Variants in CNTN4 observed in about 807,000 individuals in gnomAD.
CNTN4 encodes contactin 4.
Under a neutral mutation model 122.5 loss-of-function variants are expected in CNTN4, and 77 were observed. The observed-to-expected ratio is 0.63, with a 90% CI of 0.52 to 0.76. The LOEUF (loss-of-function observed/expected upper bound fraction) is 0.76, where lower values mean the gene tolerates loss of function less well. CNTN4 is among the 30% of genes least tolerant of loss of function. The pLI is 0.00. For missense variants in CNTN4, 1,256 were observed against 1,259.1 expected, an observed-to-expected ratio of 1.00 and a Z score of 0.04; for synonymous variants, 512 against 447.0, an observed-to-expected ratio of 1.15 and a Z score of -1.83.
At chr3:2,903,294 T>A (rs1307965028) in intron 12 of CNTN4, among the ~76,000 whole-genome samples, 3 of 152,236 alleles carry the variant, frequency 2.0e-5, no homozygotes, top group Non-Finnish European at 4.4e-5. Context: ...TTTGAGATGC[T>A]TTTTGGAGTC....
At position 2,951,515 on chromosome 3, in the gene CNTN4, G is replaced by A. The variant is rs377177107; in HGVS notation, c.1358+25736G>A. ...GCCATGGACCAGTACCAGTCTGTCT[G>A]CAGCCTGGGGGTTGGGGACCCCTGT... is the stretch of plus-strand genomic sequence containing the variant. On this transcript the variant is annotated intron_variant, in intron 13 of 24. Coordinates refer to ENST00000418658, the MANE Select transcript of CNTN4 (RefSeq NM_175607.3). Among the ~76,000 whole-genome samples the A allele has an allele frequency of 5.9e-5, 9 of 152,196 alleles. 1 individual carries two copies. Among genetic ancestry groups the A allele is most frequent in the Admixed American group, 3.3e-4 (5 of 15,284 alleles).
intron 3 of CNTN4, among the ~76,000 whole-genome samples, chr3:2,355,723 G>T (rs904369197): frequency 4.6e-5 from 7 of 152,110 alleles, no homozygotes; most frequent in Admixed American, 4.6e-4. Flanking sequence ...ACTGGATTGG[G>T]TCTCTGTATC....
In CNTN4 at chr3:2,494,548, T is replaced by C. The variant is rs898512538; in HGVS notation, c.-88-76868T>C. Among the ~76,000 whole-genome samples the C allele has an allele frequency of 1.1e-4, 17 of 152,324 alleles. No homozygotes were observed. The East Asian group carries it at 3.3e-3, about 29-fold the overall frequency. The stretch of plus-strand genomic sequence containing the variant: ...AGCAAGCTGCAGACAGAATAGCTGG[T>C]AAATGTCTCTTATCAGACCTTAAGA... On this transcript the variant is annotated intron_variant, in intron 3 of 24. Transcript: ENST00000418658.
At chr3:2,223,701 A>G (rs1322045984) in intron 2 of CNTN4, among the ~76,000 whole-genome samples, 1 of 152,188 alleles carries the variant, frequency 6.6e-6, no homozygotes, top group Non-Finnish European at 1.5e-5. Flanking sequence ...CACCATGCCT[A>G]GACTGTACAA....
intron 7 of CNTN4, among the ~76,000 whole-genome samples, chr3:2,832,825 G>T (rs1035151752): frequency 6.6e-6 from 1 of 152,166 alleles, no homozygotes; most frequent in South Asian, 2.1e-4. Flanking sequence ...TGGGAGCCCC[G>T]TGCAGTCAAT....
intron 23 of CNTN4, among the ~76,000 whole-genome samples, chr3:3,044,940 C>T (rs1206882738): frequency 6.6e-6 from 1 of 152,208 alleles, no homozygotes; most frequent in Admixed American, 6.5e-5. Context: ...TTCCAATGGT[C>T]TTAGCAAACG....
chr3:2,865,177 ATAAAATGAT>A (rs1244327736), intron 7 of CNTN4, among the ~76,000 whole-genome samples: 1 of 152,208 alleles, frequency 6.6e-6, no homozygotes, highest in Non-Finnish European at 1.5e-5. Context: ...ACATGCGTAA[ATAAAATGAT>A]TAGCCATTCT....
chr3:2,912,694 A>T (rs1231818616), intron 12 of CNTN4, among the ~76,000 whole-genome samples: 5 of 152,234 alleles, frequency 3.3e-5, no homozygotes, highest in Admixed American at 3.3e-4. Context: ...CAGGATGTAA[A>T]TAGTTTTTAT....
chr3:3,008,503 A>G (rs1209999365), intron 14 of CNTN4, among the ~76,000 whole-genome samples: 1 of 152,236 alleles, frequency 6.6e-6, no homozygotes, highest in Non-Finnish European at 1.5e-5. Flanking sequence ...AGAGTAAAAT[A>G]TGTAGCACTT....
At chr3:2,669,052 C>CT (rs1392261277) in intron 4 of CNTN4, among the ~76,000 whole-genome samples, 3 of 152,034 alleles carry the variant, frequency 2.0e-5, no homozygotes, top group East Asian at 1.9e-4. Flanking sequence ...CTAAAATTCT[C>CT]TTTTTTTGTT....
At chr3:2,923,194 G>A (rs1039336458) in intron 12 of CNTN4, among the ~76,000 whole-genome samples, 5 of 152,104 alleles carry the variant, frequency 3.3e-5, no homozygotes, top group Non-Finnish European at 5.9e-5. Context: ...AAAAATGTCC[G>A]CCTAAAGTGA....
At chr3:2,513,424 G>T (rs1186175064) in intron 3 of CNTN4, among the ~76,000 whole-genome samples, 1 of 140,786 alleles carries the variant, frequency 7.1e-6, no homozygotes, top group Non-Finnish European at 1.5e-5. Flanking sequence ...TTAAGGTCCA[G>T]TGATTTTTTT....
At chr3:2,291,829 G>A (rs2042147062) in intron 2 of CNTN4, among the ~76,000 whole-genome samples, 1 of 152,102 alleles carries the variant, frequency 6.6e-6, no homozygotes, top group Admixed American at 6.5e-5. Context: ...CGCCTCCCAG[G>A]TTGAAGAGAT....
intron 6 of CNTN4, among the ~76,000 whole-genome samples, chr3:2,793,205 C>T (rs1429826394): frequency 1.3e-5 from 2 of 152,074 alleles, no homozygotes; most frequent in Non-Finnish European, 2.9e-5. Context: ...AAAGAAAGTT[C>T]ACACTCTTCA....
chr3:2,749,328 GT>G (rs11381094), intron 6 of CNTN4, among the ~76,000 whole-genome samples: 58 of 135,640 alleles, frequency 4.3e-4, no homozygotes, highest in African/African-American at 9.4e-4. Flanking sequence ...GCCCAGATAA[GT>G]TTTTTTTTTT....
chr3:2,658,719 G>A (rs1278103494), intron 4 of CNTN4, among the ~76,000 whole-genome samples: 1 of 152,092 alleles, frequency 6.6e-6, no homozygotes, highest in Non-Finnish European at 1.5e-5. Flanking sequence ...GAAGTGAGTA[G>A]TAGTATTCAC....
chr3:2,451,349 G>A (rs1422347386), intron 3 of CNTN4, among the ~76,000 whole-genome samples: 1 of 151,344 alleles, frequency 6.6e-6, no homozygotes, highest in African/African-American at 2.4e-5. Flanking sequence ...ACAATCTGGG[G>A]CATCACCAGC....
At chr3:2,701,895 AACTGAAACTG>A (rs1307869412) in intron 4 of CNTN4, among the ~76,000 whole-genome samples, 1 of 151,538 alleles carries the variant, frequency 6.6e-6, no homozygotes, top group East Asian at 1.9e-4. Flanking sequence ...TGATACAAGT[AACTGAAACTG>A]ACTCTAGATA....
intron 4 of CNTN4, among the ~76,000 whole-genome samples, chr3:2,733,582 G>A (rs2088858871): frequency 7.0e-6 from 1 of 143,352 alleles, no homozygotes; most frequent in Non-Finnish European, 1.5e-5. Context: ...CGCCTGGGCT[G>A]GAGTTCAGTG....
Sources: gnomAD v4.1 joint callset for allele counts (sites outside exome capture counted in the v4.1 genomes callset) on GRCh38, gnomAD v4.1.1 for gene constraint, MANE v1.5 for transcripts, NCBI Gene and HGNC (gene_info 2026-07-23, HGNC 2026-07-21) for gene names.